CAB39: variants seen among roughly 807,000 people sequenced by gnomAD.
The protein encoded by CAB39 is calcium binding protein 39, also known as calcium-binding protein 39.
A neutral mutation model predicts 40.0 loss-of-function variants in CAB39; 8 were observed. The ratio of observed to expected loss-of-function variants is 0.20; its 90% CI spans 0.12 to 0.36. The LOEUF (loss-of-function observed/expected upper bound fraction) is 0.36, where lower values mean the gene tolerates loss of function less well. Among genes scored for constraint, CAB39 ranks in the 10% least tolerant of loss-of-function variants. The pLI is 1.00. For synonymous variants in CAB39, 156 were observed against 141.6 expected (o/e 1.10, Z -0.72); for missense variants, 270 against 401.1 (o/e 0.67, Z 2.79).
chr2:230,742,505 TATATTAAGTGAC>T (rs912445647), intron 1 of CAB39, among the ~76,000 whole-genome samples: 2 of 148,690 alleles, frequency 1.3e-5, no homozygotes, highest in Non-Finnish European at 3.0e-5. Flanking sequence ...GAAAACTTCT[TATATTAAGTGAC>T]AAAGTTGAAA....
At chr2:230,818,017 C>A (rs1696434005) in intron 8 of CAB39, 120 bp downstream of exon 8, 1 of 878,296 alleles carries the variant, frequency 1.1e-6, no homozygotes, top group Non-Finnish European at 1.8e-6. Context: ...TAAATTCAGT[C>A]ACTTTTCATA....
chr2:230,724,244 C>CAA (rs60084225), intron 1 of CAB39, among the ~76,000 whole-genome samples: 1 of 101,108 alleles, frequency 9.9e-6, no homozygotes, highest in South Asian at 3.3e-4. Flanking sequence ...AAGACTGTCT[C>CAA]AAAAAAAAAA....
At chr2:230,781,393 A>G (rs1695683935) in intron 2 of CAB39, among the ~76,000 whole-genome samples, 1 of 152,182 alleles carries the variant, frequency 6.6e-6, no homozygotes, top group Non-Finnish European at 1.5e-5. Context: ...TTGAAGTCGA[A>G]TGACATGGTG....
Position 230,801,674 on chromosome 2 carries a change from C to T in CAB39, c.567+2777C>T, listed in dbSNP as rs150865647. Among the ~76,000 whole-genome samples, 1,093 of 152,164 alleles carry T rather than the reference C, an allele frequency of 7.2e-3. 10 individuals carry two copies. Among genetic ancestry groups the T allele is most frequent in the South Asian group, 0.03 (143 of 4,816 alleles). Reference sequence around the variant, plus strand: ...ATCACCTGAGGTCAGGAGTTTGAGACCAGCCTGGCCAACATGATGAAACCC... The same window carrying T: ...ATCACCTGAGGTCAGGAGTTTGAGATCAGCCTGGCCAACATGATGAAACCC... On this transcript the variant is annotated intron_variant, in intron 5 of 8. Transcript: ENST00000258418.
At chr2:230,716,145 A>C (rs1694346096) in intron 1 of CAB39, among the ~76,000 whole-genome samples, 1 of 152,224 alleles carries the variant, frequency 6.6e-6, no homozygotes, top group Admixed American at 6.5e-5. Flanking sequence ...TCACGTATGA[A>C]GTAAGATGCT....
At chr2:230,805,164 G>T in intron 5 of CAB39, among the ~76,000 whole-genome samples, 1 of 151,654 alleles carries the variant, frequency 6.6e-6, no homozygotes, top group Middle Eastern at 3.4e-3. Flanking sequence ...ACCAAACACC[G>T]CATGTTCTCA....
intron 2 of CAB39, among the ~76,000 whole-genome samples, chr2:230,765,026 C>T (rs1042831088): frequency 3.9e-5 from 6 of 152,054 alleles, no homozygotes; most frequent in Non-Finnish European, 7.4e-5. Context: ...CTCGCTCTGT[C>T]GCCAGGCTGG....
At position 230,777,650 on chromosome 2, in the gene CAB39, G is replaced by A. The variant is rs373327444; in HGVS notation, c.115-13222G>A. Among the ~76,000 whole-genome samples, 8 of 151,966 alleles carry A rather than the reference G, an allele frequency of 5.3e-5. No homozygotes were observed. The East Asian group carries it at 7.7e-4, about 15-fold the overall frequency. On this transcript the variant is annotated intron_variant, in intron 2 of 8. Coordinates refer to ENST00000258418, the MANE Select transcript of CAB39 (RefSeq NM_016289.4). ...CTTGAACTCCTGACCTCAAGTGATC[G>A]CCACCTTGACCACCTCCCAAAGTGC...
At chr2:230,750,837 C>A (rs1695073669) in intron 1 of CAB39, among the ~76,000 whole-genome samples, 1 of 152,166 alleles carries the variant, frequency 6.6e-6, no homozygotes, top group Non-Finnish European at 1.5e-5. Flanking sequence ...GTAGCTATTG[C>A]TTTTCCCATT....
chr2:230,758,703 G>A (rs1002825816), intron 1 of CAB39, among the ~76,000 whole-genome samples: 22 of 152,164 alleles, frequency 1.4e-4, no homozygotes, highest in African/African-American at 5.3e-4. Context: ...AAGTGGGGTT[G>A]GGGTGTCTGA....
intron 4 of CAB39, among the ~76,000 whole-genome samples, chr2:230,797,160 C>T (rs905459097): frequency 1.3e-5 from 2 of 152,022 alleles, no homozygotes; most frequent in Non-Finnish European, 2.9e-5. Context: ...ATTAATGTAG[C>T]AGTGGGAATG....
chr2:230,737,239 A>T (rs574959889), intron 1 of CAB39, among the ~76,000 whole-genome samples: 2 of 152,078 alleles, frequency 1.3e-5, no homozygotes, highest in South Asian at 4.2e-4. Context: ...GAGAAGATAG[A>T]CCCTCACCTG....
intron 2 of CAB39, among the ~76,000 whole-genome samples, chr2:230,785,589 T>G (rs1444416834): frequency 2.0e-5 from 3 of 152,044 alleles, no homozygotes; most frequent in Non-Finnish European, 2.9e-5. Context: ...AGGATTAATG[T>G]AGGTGGCGGG....
At chr2:230,758,127 A>G (rs1351882615) in intron 1 of CAB39, among the ~76,000 whole-genome samples, 1 of 151,998 alleles carries the variant, frequency 6.6e-6, no homozygotes, top group African/African-American at 2.4e-5. Flanking sequence ...GTGAAAACCC[A>G]TCTCTACTAA....
At chr2:230,812,898 C>A (rs1696329490) in intron 6 of CAB39, among the ~76,000 whole-genome samples, 1 of 152,170 alleles carries the variant, frequency 6.6e-6, no homozygotes. Flanking sequence ...AACAAACGAG[C>A]ATGGGATGTG....
intron 1 of CAB39, among the ~76,000 whole-genome samples, chr2:230,725,887 T>C (rs982573906): frequency 6.6e-6 from 1 of 152,190 alleles, no homozygotes; most frequent in African/African-American, 2.4e-5. Context: ...AAGGAAAAGA[T>C]GGAATCTACA....
chr2:230,796,505 A>G (rs1695990087), intron 4 of CAB39, among the ~76,000 whole-genome samples: 2 of 152,090 alleles, frequency 1.3e-5, no homozygotes, highest in South Asian at 4.1e-4. Flanking sequence ...CTTGTACCAA[A>G]CTGTCTTACC....
At chr2:230,738,713 G>A (rs1313015247) in intron 1 of CAB39, among the ~76,000 whole-genome samples, 10 of 152,182 alleles carry the variant, frequency 6.6e-5, no homozygotes, top group Non-Finnish European at 1.5e-4. Context: ...CTCCTACTAT[G>A]GTGGTTTAGC....
At chr2:230,771,704 C>G (rs2124931917) in intron 2 of CAB39, among the ~76,000 whole-genome samples, 1 of 152,240 alleles carries the variant, frequency 6.6e-6, no homozygotes, top group Middle Eastern at 3.4e-3. Context: ...GATTTCTAGA[C>G]TTAAAAAGCT....
Sources: allele counts gnomAD v4.1 joint callset (sites outside exome capture counted in the v4.1 genomes callset), GRCh38; gene constraint gnomAD v4.1.1; transcripts MANE v1.5; gene names NCBI Gene and HGNC (gene_info 2026-07-23, HGNC 2026-07-21).